SPOCK2: variants seen among roughly 807,000 people sequenced by gnomAD.
SPOCK2 encodes the protein SPARC (osteonectin), cwcv and kazal like domains proteoglycan 2, also known as testican-2.
In SPOCK2, 39 loss-of-function variants were observed where a neutral mutation model predicts 60.1. That is an observed-to-expected ratio of 0.65 (90% CI 0.50 to 0.85). The LOEUF is 0.85. SPOCK2 is among the 40% of genes least tolerant of loss of function. The pLI, the probability that SPOCK2 is intolerant of heterozygous loss-of-function variation, is 0.00. For synonymous variants in SPOCK2, 217 were observed against 231.5 expected, an observed-to-expected ratio of 0.94 and a Z score of 0.57; for missense variants, 523 against 567.4, an observed-to-expected ratio of 0.92 and a Z score of 0.80.
At chr10:72,084,417 C>A (rs1195596917) in intron 1 of SPOCK2, among the ~76,000 whole-genome samples, 1 of 152,238 alleles carries the variant, frequency 6.6e-6, no homozygotes, top group Admixed American at 6.5e-5. Flanking sequence ...TCCCAGCACA[C>A]TGCACCCCGG....
At chr10:72,069,747 C>T (rs910347409) in intron 5 of SPOCK2, among the ~76,000 whole-genome samples, 4 of 152,170 alleles carry the variant, frequency 2.6e-5, no homozygotes, top group African/African-American at 9.7e-5. Context: ...CGTGAGCCAC[C>T]GTGACCAGCC....
chr10:72,081,699 C>T (rs1840786029), intron 1 of SPOCK2, among the ~76,000 whole-genome samples: 1 of 152,244 alleles, frequency 6.6e-6, no homozygotes, highest in African/African-American at 2.4e-5. Context: ...TTATCATTCA[C>T]TCCTTTATCC....
intron 1 of SPOCK2, among the ~76,000 whole-genome samples, chr10:72,080,745 C>T (rs1478197602): frequency 6.6e-6 from 1 of 152,138 alleles, no homozygotes; most frequent in Admixed American, 6.5e-5. Context: ...CCTCCCACCT[C>T]CTCTGCCCTC....
At position 72,067,465 on chromosome 10, in the gene SPOCK2, T is replaced by C. The variant is rs1840585599; in HGVS notation, c.709+148A>G. On this transcript the variant is annotated intron_variant, in intron 7 of 10. Coordinates refer to ENST00000373109, the MANE Select transcript of SPOCK2 (RefSeq NM_001244950.2). ...TCCTGCTCTGGTGGAAGCCGACTTC[T>C]TTGGGGTGAAGGTTCTTTTGGGGCC... 3.6e-6 allele frequency: 5 copies of C among 1,397,796 alleles called. No individual in the cohort carries two copies. The South Asian group carries it at 7.0e-5, about 19-fold the overall frequency. The allele number at this position is 1,397,796 out of a possible 1,614,324, so 86.6% of individuals were successfully genotyped here.
chr10:72,059,769 C>G lies in SPOCK2; in HGVS notation c.*2991G>C, dbSNP rs1840468087. 1 of 152,926 alleles carries G rather than the reference C, an allele frequency of 6.5e-6. No individual in the cohort carries two copies. The highest frequency in any genetic ancestry group is 2.4e-5 in the African/African-American group (1 of 41,456). 9.5% of individuals were successfully genotyped at this position (152,926 alleles called of 1,614,324 possible). On this transcript the variant is annotated 3_prime_UTR_variant, in exon 11 of 11. Transcript: ENST00000373109. ...GCCGCCACCCACCACCCCTCCCTTC[C>G]AAGCTCCCAGGCCATGCTTCCTTCT...
intron 4 of SPOCK2, 143 bp downstream of exon 4, chr10:72,072,001 T>A: frequency 1.7e-6 from 1 of 599,028 alleles, no homozygotes; most frequent in Non-Finnish European, 2.7e-6. Flanking sequence ...TGATGTCAGA[T>A]AATACATATT....
At chr10:72,079,620 T>C (rs1263444641) in intron 1 of SPOCK2, among the ~76,000 whole-genome samples, 10 of 152,178 alleles carry the variant, frequency 6.6e-5, no homozygotes, top group Admixed American at 4.6e-4. Context: ...TTACTTCCTG[T>C]CATTTTAATT....
chr10:72,085,977 A>G (rs1840849722), intron 1 of SPOCK2, among the ~76,000 whole-genome samples: 1 of 152,198 alleles, frequency 6.6e-6, no homozygotes, highest in Non-Finnish European at 1.5e-5. Context: ...GAGTTATGCA[A>G]TGCAGTGGCT....
rs988182177 is a variant in SPOCK2, at chr10:72,063,048, C to T, written c.1106G>A (p.Arg369His). The T allele has an allele frequency of 1.4e-5, 22 of 1,553,668 alleles. No homozygotes were observed. The highest frequency in any genetic ancestry group is 7.8e-5 in the Admixed American group (4 of 51,324). ...DQLGLELTGT[R>H]THGSPDCDDI... ...ACCGCAGTCGGGGCTCCCATGCGTG[C>T]GCGTGCCAGTCAGCTCCAGGCCCAG... Residue 369 changes from arginine to histidine, a missense_variant, in exon 10 of 11, where the codon CGC (arginine) becomes CAC (histidine). Arg to His is a conservative substitution (Grantham distance 29). Coordinates refer to ENST00000373109, the MANE Select transcript of SPOCK2 (RefSeq NM_001244950.2).
At chr10:72,086,498 G>A (rs1840856454) in intron 1 of SPOCK2, 1 of 1,072,242 alleles carries the variant, frequency 9.3e-7, no homozygotes, top group African/African-American at 1.7e-5. Context: ...GAGTCGGAGG[G>A]AGGCCTAGGC....
intron 9 of SPOCK2, 152 bp downstream of exon 9, chr10:72,064,026 G>A (rs1203316228): frequency 1.1e-5 from 11 of 958,642 alleles, no homozygotes; most frequent in Non-Finnish European, 1.6e-5. Context: ...GATAGACACA[G>A]GAAGGGGGCA....
intron 1 of SPOCK2, among the ~76,000 whole-genome samples, chr10:72,082,468 A>G (rs1344315593): frequency 6.6e-6 from 1 of 152,106 alleles, no homozygotes; most frequent in Admixed American, 6.6e-5. Flanking sequence ...CTGACCTCCA[A>G]TGGGAGTCGA....
Position 72,062,507 on chromosome 10 carries a change from G to T in SPOCK2, c.*253C>A. ...GGTGACTCACTCTGCCAGGAGCAGT[G>T]TGGATCAAGGACACATTTGTCAGCG... On this transcript the variant is annotated 3_prime_UTR_variant, in exon 11 of 11. Coordinates refer to ENST00000373109, the MANE Select transcript of SPOCK2 (RefSeq NM_001244950.2). The surrounding 1 kb of genome is among the most constrained non-coding windows in gnomAD (Gnocchi z 4.3). The T allele has an allele frequency of 1.7e-6, 1 of 602,816 alleles. No individual in the cohort carries two copies. Among genetic ancestry groups the T allele is most frequent in the Non-Finnish European group, 2.7e-6 (1 of 375,848 alleles). 37.3% of individuals were successfully genotyped at this position (602,816 alleles called of 1,614,324 possible). A position where few individuals can be genotyped will look rare whatever the true frequency, so the allele number is the denominator to read the frequency against.
At chr10:72,088,621 TAAAA>T (rs34679894), upstream of SPOCK2, 240 of 181,754 alleles carry the variant, frequency 1.3e-3, no homozygotes, top group East Asian at 2.3e-3. Flanking sequence ...ATACCTGGTT[TAAAA>T]AAAAAAAAAA....
Position 72,065,020 on chromosome 10 carries a change from G to A in SPOCK2, c.929-780C>T, listed in dbSNP as rs1273440451. 1.4e-4 allele frequency among the ~76,000 whole-genome samples: 18 copies of A among 124,480 alleles called. 6 individuals are homozygous for A. Among genetic ancestry groups the A allele is most frequent in the Non-Finnish European group, 3.4e-4 (18 of 52,212 alleles). 81.7% of individuals were successfully genotyped at this position (124,480 alleles called of 152,430 possible). A position where few individuals can be genotyped will look rare whatever the true frequency, so the allele number is the denominator to read the frequency against. ...GCTGGGATTACAGGCATGAGCCACC[G>A]CGCCCAGCCTTATTTTATTTTTTGA... On this transcript the variant is annotated intron_variant, in intron 8 of 10. Transcript: ENST00000373109.
intron 7 of SPOCK2, 33 bp from the exon 8 acceptor site, chr10:72,067,153 C>G: frequency 6.3e-7 from 1 of 1,591,134 alleles, no homozygotes; most frequent in Non-Finnish European, 8.6e-7. Flanking sequence ...CACGCTTCAT[C>G]TGGCTATTCA....
Position 72,067,828 on chromosome 10 carries a change from G to A in SPOCK2, c.590-96C>T, listed in dbSNP as rs900638395. 10 of 1,522,982 alleles carry A rather than the reference G, an allele frequency of 6.6e-6. No individual in the cohort carries two copies. The African/African-American group carries it at 1.1e-4, about 17-fold the overall frequency. The allele number at this position is 1,522,982 out of a possible 1,614,324, so 94.3% of individuals were successfully genotyped here. A position where few individuals can be genotyped will look rare whatever the true frequency, so the allele number is the denominator to read the frequency against. On this transcript the variant is annotated intron_variant, in intron 6 of 10. Transcript: ENST00000373109. The stretch of plus-strand genomic sequence containing the variant: ...CCTGCCCTACAGGCCAGGAGGCTGG[G>A]CAGGGGTCCGGGAGGCAGCAGCAGA...
chr10:72,075,669 T>C (rs1840706755), intron 1 of SPOCK2, among the ~76,000 whole-genome samples: 1 of 152,176 alleles, frequency 6.6e-6, no homozygotes, highest in Admixed American at 6.5e-5. Flanking sequence ...ACTCCCTTCC[T>C]GACTCAGCTG....
At position 72,077,955 on chromosome 10, in the gene SPOCK2, G is replaced by A. The variant is rs144301688; in HGVS notation, c.190-5045C>T. The stretch of plus-strand genomic sequence containing the variant: ...CTCCCACTGTCTTCCACACGGCTGC[G>A]GCCACCCGGATCCTTCCAAAACACA... On this transcript the variant is annotated intron_variant, in intron 1 of 10. Coordinates refer to ENST00000373109, the MANE Select transcript of SPOCK2 (RefSeq NM_001244950.2). Among the ~76,000 whole-genome samples the A allele has an allele frequency of 5.4e-3, 820 of 152,256 alleles. 8 individuals are homozygous for A. The highest frequency in any genetic ancestry group is 0.019 in the African/African-American group (785 of 41,538).
Sources: gnomAD v4.1 joint callset for allele counts (sites outside exome capture counted in the v4.1 genomes callset) on GRCh38, gnomAD v4.1.1 for gene constraint, Gnocchi (gnomAD v3.1) non-coding constraint, MANE v1.5 for transcripts, NCBI Gene and HGNC (gene_info 2026-07-23, HGNC 2026-07-21) for gene names.